Variants in APC observed in about 807,000 individuals in gnomAD.
APC encodes adenomatous polyposis coli protein.
In APC, 72 loss-of-function variants were observed where a neutral mutation model predicts 247.0. The observed-to-expected ratio is 0.29, with a 90% confidence interval of 0.24 to 0.35. The LOEUF (loss-of-function observed/expected upper bound fraction) is 0.35. APC is among the 10% of genes least tolerant of loss of function. The pLI is 1.00. For missense variants in APC, 3,400 were observed against 3,360.7 expected (o/e 1.01, Z -0.29); for synonymous variants, 1,254 against 1,162.5 (o/e 1.08, Z -1.60).
At chr5:112,790,622 C>G (rs933973055) in intron 6 of APC, among the ~76,000 whole-genome samples, 3 of 152,186 alleles carry the variant, frequency 2.0e-5, no homozygotes, top group African/African-American at 7.2e-5. Flanking sequence ...AGCCACCGTG[C>G]CCGGCAGCGA....
Position 112,814,704 on chromosome 5 carries a change from C to T in APC, c.835-791C>T, listed in dbSNP as rs546246036. ...TAATTCTGATTGTACCATTCTCCTG[C>T]CTGAAGTCCAGTGACTCCACAGCTT... On this transcript the variant is annotated intron_variant, in intron 8 of 15. Transcript: ENST00000257430. Among the ~76,000 whole-genome samples, 4 of 152,266 alleles carry T rather than the reference C, an allele frequency of 2.6e-5. No individual in the cohort carries two copies. The South Asian group carries it at 8.3e-4, about 32-fold the overall frequency.
intron 1 of APC, among the ~76,000 whole-genome samples, chr5:112,722,769 C>T (rs1039345082): frequency 6.6e-6 from 1 of 152,120 alleles, no homozygotes; most frequent in Non-Finnish European, 1.5e-5. Context: ...GGGGCAGGGG[C>T]GCGGAGCTTC....
chr5:112,808,684 A>T (rs759250553), intron 8 of APC, among the ~76,000 whole-genome samples: 7 of 152,144 alleles, frequency 4.6e-5, no homozygotes, highest in Non-Finnish European at 8.8e-5. Context: ...TGCTGGGATT[A>T]CAGGTTTGAG....
At position 112,839,810 on chromosome 5, in the gene APC, C is replaced by G. The variant is rs587782518; in HGVS notation, c.4216C>G (p.Gln1406Glu). The G allele has an allele frequency of 6.2e-7, 1 of 1,614,054 alleles. No individual in the cohort carries two copies. The highest frequency in any genetic ancestry group is 1.7e-5 in the Admixed American group (1 of 59,992). The change falls in exon 16 of 16, where the codon CAG becomes GAG. Residue 1406 changes from glutamine to glutamate, a missense_variant. Coordinates refer to ENST00000257430, the MANE Select transcript of APC (RefSeq NM_000038.6). This position sits in a 1 kb window ranked among gnomAD's most constrained non-coding sequence, Gnocchi z 5.0. ...GAGTCGTTCGATTGCCAGCTCCGTT[C>G]AGAGTGAACCATGCAGTGGAATGGT... The part of the protein sequence containing the change: ...FESRSIASSV[Q>E]SEPCSGMVSG...
chr5:112,794,085 T>C (rs1759941014), intron 7 of APC, among the ~76,000 whole-genome samples: 1 of 151,840 alleles, frequency 6.6e-6, no homozygotes, highest in Non-Finnish European at 1.5e-5. Flanking sequence ...GGTTGTTTTG[T>C]TGGTGAATCC....
At chr5:112,740,308 GAATTA>G (rs1055397262) in intron 1 of APC, among the ~76,000 whole-genome samples, 5 of 152,038 alleles carry the variant, frequency 3.3e-5, no homozygotes, top group African/African-American at 1.2e-4. Context: ...ATGTTTTTCT[GAATTA>G]AATAAGAAAT....
rs1554088540 is a variant in APC at position 112,843,216 on chromosome 5, T to C, written c.7622T>C (p.Ile2541Thr). The change falls in exon 16 of 16, where the codon ATC (isoleucine) becomes ACC (threonine). Residue 2541 changes from isoleucine (I) to threonine (T), a missense_variant. Coordinates refer to ENST00000257430, the MANE Select transcript of APC (RefSeq NM_000038.6). The surrounding 1 kb of genome is among the most constrained non-coding windows in gnomAD (Gnocchi z 4.8). ...TCTGAAAGTCCTTCTAGACTTCCAA[T>C]CAATAGGTCAGGAACCTGGAAACGT... ...SHSESPSRLP[I>T]NRSGTWKREH... The C allele has an allele frequency of 1.2e-6, 2 of 1,613,794 alleles. No homozygotes were observed. Among genetic ancestry groups the C allele is most frequent in the Non-Finnish European group, 1.7e-6 (2 of 1,179,750 alleles).
Position 112,839,793 on chromosome 5 carries a change from C to T in APC, c.4199C>T (p.Ser1400Leu), listed in dbSNP as rs267600319. The change falls in exon 16 of 16, where the codon TCG becomes TTG. Residue 1400 changes from serine (S) to leucine (L), a missense_variant. By Grantham distance (145) the Ser-to-Leu change is moderately radical. Coordinates refer to ENST00000257430, the MANE Select transcript of APC (RefSeq NM_000038.6). The surrounding 1 kb of genome is among the most constrained non-coding windows in gnomAD (Gnocchi z 5.0). Reference sequence around the variant, plus strand: ...TCACTTGATAGTTTTGAGAGTCGTTCGATTGCCAGCTCCGTTCAGAGTGAA... The same window carrying T: ...TCACTTGATAGTTTTGAGAGTCGTTTGATTGCCAGCTCCGTTCAGAGTGAA... ...VSSLDSFESRSIASSVQSEPC... is the reference protein window; with the variant it reads ...VSSLDSFESRLIASSVQSEPC... 5 of 1,614,032 alleles carry T rather than the reference C, an allele frequency of 3.1e-6. No homozygotes were observed. Among genetic ancestry groups the T allele is most frequent in the Admixed American group, 1.7e-5 (1 of 60,002 alleles).
At chr5:112,708,864 A>G (rs1445983369) in intron 1 of APC, among the ~76,000 whole-genome samples, 2 of 152,202 alleles carry the variant, frequency 1.3e-5, no homozygotes, top group African/African-American at 4.8e-5. Flanking sequence ...CTCCTTTATT[A>G]GTGGAGCAAG....
At chr5:112,827,030 G>A (rs1183926025) in intron 11 of APC, 78 bp from the exon 12 acceptor site, 1 of 1,432,298 alleles carries the variant, frequency 7.0e-7, no homozygotes, top group Non-Finnish European at 9.7e-7. Flanking sequence ...TTTTTTCCTA[G>A]TATTTAAGTT....
intron 7 of APC, 45 bp from the exon 8 acceptor site, chr5:112,801,234 C>A: frequency 6.6e-7 from 1 of 1,525,348 alleles, no homozygotes; most frequent in Non-Finnish European, 9.1e-7. Context: ...GCTAAGAAAG[C>A]CTACACCATT....
intron 2 of APC, among the ~76,000 whole-genome samples, chr5:112,764,935 T>C (rs760515882): frequency 3.3e-5 from 5 of 152,216 alleles, no homozygotes; most frequent in Non-Finnish European, 5.9e-5. Context: ...CAAATTTGTT[T>C]TCTATTCCAC....
chr5:112,760,157 G>T (rs1407782041), intron 2 of APC, among the ~76,000 whole-genome samples: 6 of 152,166 alleles, frequency 3.9e-5, no homozygotes, highest in Non-Finnish European at 8.8e-5. Flanking sequence ...CAAGCAGGAG[G>T]ACTTCACTGG....
At chr5:112,775,260 T>C (rs1757492782) in intron 4 of APC, among the ~76,000 whole-genome samples, 1 of 152,162 alleles carries the variant, frequency 6.6e-6, no homozygotes, top group African/African-American at 2.4e-5. Flanking sequence ...CATTGCTGCT[T>C]TTCTTATTTC....
chr5:112,740,463 C>T (rs1028193484), intron 1 of APC, among the ~76,000 whole-genome samples: 2 of 149,330 alleles, frequency 1.3e-5, no homozygotes, highest in African/African-American at 2.5e-5. Context: ...ATTAAATATT[C>T]ATAAATGTTT....
At chr5:112,818,430 A>G (rs1762727659) in intron 9 of APC, among the ~76,000 whole-genome samples, 2 of 141,426 alleles carry the variant, frequency 1.4e-5, no homozygotes, top group Admixed American at 1.5e-4. Context: ...ATGTTTTTAA[A>G]TTTATAATCG....
chr5:112,826,413 G>A (rs1763662656), intron 11 of APC, among the ~76,000 whole-genome samples: 1 of 150,434 alleles, frequency 6.6e-6, no homozygotes, highest in Non-Finnish European at 1.5e-5. Flanking sequence ...TCCTATTGTT[G>A]GCCATTGTGG....
At chr5:112,759,102 C>T (rs1755348082) in intron 2 of APC, among the ~76,000 whole-genome samples, 1 of 152,018 alleles carries the variant, frequency 6.6e-6, no homozygotes, top group African/African-American at 2.4e-5. Context: ...AAACAATATA[C>T]ATGTAAAGTA....
intron 6 of APC, among the ~76,000 whole-genome samples, chr5:112,791,871 T>A (rs1759643405): frequency 6.6e-6 from 1 of 152,212 alleles, no homozygotes; most frequent in East Asian, 1.9e-4. Flanking sequence ...AACATACAAT[T>A]TGATATATGA....
Sources: allele counts gnomAD v4.1 joint callset (sites outside exome capture counted in the v4.1 genomes callset), GRCh38; gene constraint gnomAD v4.1.1; non-coding constraint Gnocchi (gnomAD v3.1); transcripts MANE v1.5; gene names NCBI Gene and HGNC (gene_info 2026-07-23, HGNC 2026-07-21).